Variants in RYR3 observed in about 807,000 individuals in gnomAD.
The protein encoded by RYR3 is brain ryanodine receptor-calcium release channel.
RYR3 carries 207 observed loss-of-function variants against 584.3 expected under a neutral mutation model. The observed-to-expected ratio is 0.35, with a 90% CI of 0.32 to 0.40. The LOEUF (loss-of-function observed/expected upper bound fraction) is 0.40, where lower values mean the gene tolerates loss of function less well. Among genes scored for constraint, RYR3 ranks in the 10% least tolerant of loss-of-function variants. RYR3 has a pLI of 1.00. For missense variants in RYR3, 5,616 were observed against 6,089.2 expected, an observed-to-expected ratio of 0.92 and a Z score of 2.59; for synonymous variants, 2,416 against 2,248.5, an observed-to-expected ratio of 1.07 and a Z score of -2.11.
chr15:33,489,403 T>C (rs1295666896), intron 2 of RYR3, among the ~76,000 whole-genome samples: 1 of 152,200 alleles, frequency 6.6e-6, no homozygotes, highest in Non-Finnish European at 1.5e-5. Flanking sequence ...GTTTCCTTCT[T>C]TGTGCTCATA....
intron 67 of RYR3, among the ~76,000 whole-genome samples, chr15:33,792,376 G>T (rs1478999855): frequency 6.6e-6 from 1 of 152,092 alleles, no homozygotes; most frequent in African/African-American, 2.4e-5. Flanking sequence ...TCCTTCAGGA[G>T]GGGCACCCAG....
At chr15:33,832,499 T>C (rs1425288802) in intron 86 of RYR3, among the ~76,000 whole-genome samples, 1 of 149,610 alleles carries the variant, frequency 6.7e-6, no homozygotes, top group Non-Finnish European at 1.5e-5. Flanking sequence ...TACTAAAAAA[T>C]ACAAAAATTA....
At chr15:33,577,833 C>G (rs1196734255) in intron 12 of RYR3, among the ~76,000 whole-genome samples, 2 of 152,142 alleles carry the variant, frequency 1.3e-5, no homozygotes, top group Admixed American at 6.5e-5. Context: ...GAACAGACAA[C>G]CTACAGAATG....
chr15:33,543,638 G>A lies in RYR3; in HGVS notation c.663G>A (p.Gly221=), dbSNP rs1164929999. The change falls in exon 8 of 104, where the codon GGG becomes GGA. Residue 221 remains glycine, a synonymous_variant. Coordinates refer to ENST00000634891, the MANE Select transcript of RYR3 (RefSeq NM_001036.6). ...CTCTTACAGGATACCTACTTGGTGG[G>A]CATGTAGTACGTCTTTTCCATGGTC... ...SSIEEGYLLG[G]HVVRLFHGHD... The A allele has an allele frequency of 1.9e-6, 3 of 1,607,700 alleles. No individual in the cohort carries two copies. In the Admixed American group the frequency reaches 5.0e-5, roughly 27 times the overall value.
At chr15:33,676,478 G>T (rs936656720) in intron 38 of RYR3, among the ~76,000 whole-genome samples, 10 of 152,178 alleles carry the variant, frequency 6.6e-5, no homozygotes, top group African/African-American at 2.2e-4. Flanking sequence ...TTAGAGGTAG[G>T]GTTGCCATAT....
intron 92 of RYR3, 52 bp downstream of exon 92, chr15:33,843,626 C>CATATT: frequency 8.9e-7 from 1 of 1,123,098 alleles, no homozygotes; most frequent in Non-Finnish European, 1.3e-6. Context: ...ACTAAGTATG[C>CATATT]TATGTGTAGA....
chr15:33,455,229 A>C (rs1425960591), intron 1 of RYR3, among the ~76,000 whole-genome samples: 1 of 152,184 alleles, frequency 6.6e-6, no homozygotes, highest in Non-Finnish European at 1.5e-5. Context: ...GTGGGAAGGA[A>C]CAATTATGAT....
At position 33,418,753 on chromosome 15, in the gene RYR3, G is replaced by C. The variant is rs191909277; in HGVS notation, c.52-54666G>C. 1.4e-4 allele frequency among the ~76,000 whole-genome samples: 21 copies of C among 152,182 alleles called. No individual in the cohort carries two copies. The East Asian group carries it at 3.7e-3, about 27-fold the overall frequency. On this transcript the variant is annotated intron_variant, in intron 1 of 103. Transcript: ENST00000634891. ...AACCAAGCCCTAACTTTACACACTGGGGGTAGAGATAAAGCCAAGGGGACA... is the reference window on the plus strand; with the variant it reads ...AACCAAGCCCTAACTTTACACACTGCGGGTAGAGATAAAGCCAAGGGGACA...
At chr15:33,853,748 G>GA in intron 96 of RYR3, 66 bp downstream of exon 96, 3 of 1,555,586 alleles carry the variant, frequency 1.9e-6, no homozygotes, top group South Asian at 1.2e-5. Flanking sequence ...TTTTCCATAG[G>GA]AAAAAATCAC....
chr15:33,741,004 A>G (rs949568895), intron 51 of RYR3, among the ~76,000 whole-genome samples: 2 of 152,248 alleles, frequency 1.3e-5, no homozygotes, highest in African/African-American at 2.4e-5. Context: ...GGCTCTGCCT[A>G]TAAAAAGGGA....
intron 63 of RYR3, among the ~76,000 whole-genome samples, chr15:33,772,782 A>T (rs1197061269): frequency 6.6e-6 from 1 of 152,242 alleles, no homozygotes; most frequent in Non-Finnish European, 1.5e-5. Flanking sequence ...ATCCTTGAAC[A>T]ACTGAAAATC....
chr15:33,612,703 C>G (rs189163164), intron 18 of RYR3, among the ~76,000 whole-genome samples: 2 of 152,318 alleles, frequency 1.3e-5, no homozygotes, highest in East Asian at 3.9e-4. Flanking sequence ...CCATTCTTCT[C>G]TTTGATGGCT....
chr15:33,477,838 G>A (rs1369711065), intron 2 of RYR3, among the ~76,000 whole-genome samples: 2 of 119,426 alleles, frequency 1.7e-5, no homozygotes, highest in African/African-American at 8.9e-5. Context: ...TGGCGCCACT[G>A]CACTCCAGCC....
chr15:33,552,145 G>A (rs759690539), intron 10 of RYR3, among the ~76,000 whole-genome samples: 1 of 152,138 alleles, frequency 6.6e-6, no homozygotes, highest in Non-Finnish European at 1.5e-5. Flanking sequence ...TCCAGCACAG[G>A]ATCAGGCGGC....
rs141706585 is a variant in RYR3, at chr15:33,822,981, G to A, written c.10996-15G>A. 35 of 1,608,682 alleles carry A rather than the reference G, an allele frequency of 2.2e-5. No homozygotes were observed. Among genetic ancestry groups the A allele is most frequent in the African/African-American group, 1.9e-4 (14 of 74,844 alleles). ...TTTTCATCGCTTTTCCCCTTACAAC[G>A]TGTCTCCCTTGCAGAAAATGCTAGA... On this transcript the variant is annotated splice_polypyrimidine_tract_variant and intron_variant, in intron 80 of 103. Coordinates refer to ENST00000634891, the MANE Select transcript of RYR3 (RefSeq NM_001036.6).
intron 1 of RYR3, among the ~76,000 whole-genome samples, chr15:33,339,010 A>T (rs958186872): frequency 1.3e-5 from 2 of 152,260 alleles, no homozygotes; most frequent in Non-Finnish European, 2.9e-5. Context: ...GAAGGGAGGC[A>T]GGGAGTCAGA....
At chr15:33,769,868 G>T (rs534196915) in intron 62 of RYR3, among the ~76,000 whole-genome samples, 13 of 152,230 alleles carry the variant, frequency 8.5e-5, no homozygotes, top group African/African-American at 2.9e-4. Context: ...AGGATGGCTT[G>T]AGCCCAGGAG....
intron 2 of RYR3, among the ~76,000 whole-genome samples, chr15:33,475,098 T>C (rs2049263825): frequency 6.6e-6 from 1 of 152,166 alleles, no homozygotes; most frequent in Non-Finnish European, 1.5e-5. Flanking sequence ...TCTGGGATAA[T>C]AGGGAGGTCA....
intron 1 of RYR3, among the ~76,000 whole-genome samples, chr15:33,416,184 T>G (rs2043798264): frequency 6.6e-6 from 1 of 152,208 alleles, no homozygotes; most frequent in Non-Finnish European, 1.5e-5. Context: ...TGTGTCTTTT[T>G]GGTAGAACGA....
Sources: gnomAD v4.1 joint callset for allele counts (sites outside exome capture counted in the v4.1 genomes callset) on GRCh38, gnomAD v4.1.1 for gene constraint, MANE v1.5 for transcripts, NCBI Gene and HGNC (gene_info 2026-07-23, HGNC 2026-07-21) for gene names.